The following COL25A1 variants were observed in gnomAD, a reference collection of about 807,000 sequenced individuals.
COL25A1 encodes the protein collagen alpha-1(XXV) chain.
COL25A1 carries 103 observed loss-of-function variants against 128.4 expected under a neutral mutation model. That is an observed-to-expected ratio of 0.80 (90% confidence interval 0.68 to 0.94). The LOEUF is 0.94. COL25A1 is among the 40% of genes least tolerant of loss of function. The probability of loss-of-function intolerance (pLI) is 0.00; values close to 1 mark genes in which losing one functional copy is unlikely to be tolerated. For synonymous variants in COL25A1, 279 were observed against 277.2 expected (o/e 1.01, Z -0.06); for missense variants, 745 against 840.0 (o/e 0.89, Z 1.40).
intron 3 of COL25A1, among the ~76,000 whole-genome samples, chr4:109,291,525 T>C (rs1186796524): frequency 6.6e-6 from 1 of 152,108 alleles, no homozygotes; most frequent in Non-Finnish European, 1.5e-5. Flanking sequence ...ATATTTTCTA[T>C]AAATAACATA....
chr4:108,815,628 A>G lies in COL25A1; in HGVS notation c.1963-1699T>C, dbSNP rs188120586. Among the ~76,000 whole-genome samples the G allele has an allele frequency of 1.9e-3, 293 of 152,202 alleles. 1 individual carries two copies. The highest frequency in any genetic ancestry group is 6.8e-3 in the Middle Eastern group (2 of 294). On this transcript the variant is annotated intron_variant, in intron 37 of 37. Coordinates refer to ENST00000399132, the MANE Select transcript of COL25A1 (RefSeq NM_198721.4). ...TAATCTTATGTAGTGTATAGTGTCT[A>G]TTCTGTGGAAAAAGGAGTATTTAAA...
intron 18 of COL25A1, among the ~76,000 whole-genome samples, chr4:108,886,488 GT>G (rs1740830003): frequency 2.0e-5 from 1 of 49,426 alleles, no homozygotes; most frequent in African/African-American, 6.5e-5. Flanking sequence ...GTGTGTGTGT[GT>G]GTGTTTAGCT....
At chr4:109,158,260 G>A (rs1414557867) in intron 3 of COL25A1, among the ~76,000 whole-genome samples, 1 of 151,316 alleles carries the variant, frequency 6.6e-6, no homozygotes, top group East Asian at 1.9e-4. Context: ...GGATATCTTT[G>A]TTATAATGTT....
At chr4:108,829,190 G>A (rs778301559) in intron 32 of COL25A1, among the ~76,000 whole-genome samples, 3 of 152,080 alleles carry the variant, frequency 2.0e-5, no homozygotes, top group Non-Finnish European at 4.4e-5. Context: ...TTTCTTAATA[G>A]TGAAATATCA....
intron 26 of COL25A1, among the ~76,000 whole-genome samples, chr4:108,850,065 A>G (rs1735589737): frequency 6.6e-6 from 1 of 152,182 alleles, no homozygotes; most frequent in Admixed American, 6.6e-5. Flanking sequence ...AGTTTCATTC[A>G]GAGTCTGAAT....
At chr4:108,870,078 C>A (rs920082441) in intron 19 of COL25A1, among the ~76,000 whole-genome samples, 2 of 151,910 alleles carry the variant, frequency 1.3e-5, no homozygotes, top group African/African-American at 4.8e-5. Flanking sequence ...CATAGGGAGA[C>A]CCCCGTTCTG....
chr4:108,928,875 A>T (rs1019691106), intron 11 of COL25A1, among the ~76,000 whole-genome samples: 2 of 152,112 alleles, frequency 1.3e-5, no homozygotes, highest in African/African-American at 2.4e-5. Flanking sequence ...AGCCATATGT[A>T]GCTAATGGTG....
chr4:109,240,380 A>G (rs1779817815), intron 3 of COL25A1, among the ~76,000 whole-genome samples: 1 of 152,060 alleles, frequency 6.6e-6, no homozygotes, highest in African/African-American at 2.4e-5. Flanking sequence ...ATTAAAATCT[A>G]TTAAAATCTG....
intron 11 of COL25A1, among the ~76,000 whole-genome samples, chr4:108,927,481 G>A (rs1746207308): frequency 1.2e-5 from 1 of 81,536 alleles, no homozygotes; most frequent in Non-Finnish European, 2.8e-5. Context: ...CTCTATCACT[G>A]GAAAGAGTTC....
intron 6 of COL25A1, among the ~76,000 whole-genome samples, chr4:108,999,004 T>TA (rs1755066273): frequency 6.6e-6 from 1 of 152,306 alleles, no homozygotes; most frequent in East Asian, 1.9e-4. Context: ...CCTAACATCA[T>TA]AAAAATGCTA....
intron 8 of COL25A1, among the ~76,000 whole-genome samples, chr4:108,971,097 C>A (rs979223592): frequency 3.3e-5 from 5 of 152,108 alleles, no homozygotes; most frequent in African/African-American, 1.2e-4. Flanking sequence ...CAAGTGTCAC[C>A]TCTTCCACAG....
intron 3 of COL25A1, among the ~76,000 whole-genome samples, chr4:109,205,490 C>T (rs1776903802): frequency 6.6e-6 from 1 of 152,078 alleles, no homozygotes; most frequent in Non-Finnish European, 1.5e-5. Context: ...GCAGGTTTCC[C>T]ACTGCTTCTT....
intron 3 of COL25A1, among the ~76,000 whole-genome samples, chr4:109,050,707 T>C (rs1197993786): frequency 1.3e-5 from 2 of 152,140 alleles, no homozygotes; most frequent in African/African-American, 4.8e-5. Flanking sequence ...AATGTGAATA[T>C]ATTGGAATTT....
At chr4:108,984,609 C>T (rs1166689846) in intron 6 of COL25A1, among the ~76,000 whole-genome samples, 1 of 152,248 alleles carries the variant, frequency 6.6e-6, no homozygotes, top group African/African-American at 2.4e-5. Flanking sequence ...AAGCCCCTCA[C>T]TGCCCGCGGC....
intron 3 of COL25A1, among the ~76,000 whole-genome samples, chr4:109,208,495 A>C (rs930340215): frequency 6.6e-6 from 1 of 151,818 alleles, no homozygotes; most frequent in African/African-American, 2.4e-5. Flanking sequence ...AAAAAAAAAA[A>C]AACAAATTAT....
At chr4:109,136,693 T>C (rs967274050) in intron 3 of COL25A1, among the ~76,000 whole-genome samples, 32 of 152,328 alleles carry the variant, frequency 2.1e-4, no homozygotes, top group African/African-American at 7.7e-4. Flanking sequence ...AGTTAGGGTG[T>C]AGATAATGTA....
At chr4:109,127,799 C>T (rs1488650955) in intron 3 of COL25A1, among the ~76,000 whole-genome samples, 1 of 152,130 alleles carries the variant, frequency 6.6e-6, no homozygotes, top group East Asian at 1.9e-4. Flanking sequence ...TTACCCCAGA[C>T]AAGGACGCTG....
intron 3 of COL25A1, among the ~76,000 whole-genome samples, chr4:109,184,448 C>A (rs1482654023): frequency 6.6e-6 from 1 of 152,096 alleles, no homozygotes; most frequent in Non-Finnish European, 1.5e-5. Context: ...CAGGGCCTAA[C>A]GAAGTGTTAG....
chr4:109,044,200 C>T (rs1290965666), intron 5 of COL25A1, among the ~76,000 whole-genome samples: 4 of 151,838 alleles, frequency 2.6e-5, no homozygotes, highest in Middle Eastern at 3.4e-3. Flanking sequence ...AATTGATACA[C>T]GGGATCTAAT....
Sources: gnomAD v4.1 joint callset for allele counts (sites outside exome capture counted in the v4.1 genomes callset) on GRCh38, gnomAD v4.1.1 for gene constraint, MANE v1.5 for transcripts, NCBI Gene and HGNC (gene_info 2026-07-23, HGNC 2026-07-21) for gene names.